The following DNAH7 variants were observed in gnomAD, a reference collection of about 807,000 sequenced individuals.
The protein encoded by DNAH7 is axonemal beta dynein heavy chain 7.
DNAH7 carries 397 observed loss-of-function variants against 444.6 expected under a neutral mutation model. The observed-to-expected ratio is 0.89, with a 90% CI of 0.82 to 0.97. The LOEUF is 0.97. Ranked by LOEUF, DNAH7 falls within the 50% of genes least tolerant of loss-of-function variation. The pLI, the probability that DNAH7 is intolerant of heterozygous loss-of-function variation, is 0.00. For synonymous variants in DNAH7, 1,636 were observed against 1,624.4 expected (o/e 1.01, Z -0.17); for missense variants, 4,902 against 4,800.8 (o/e 1.02, Z -0.62).
At chr2:195,835,313 A>G (rs569925336) in intron 47 of DNAH7, among the ~76,000 whole-genome samples, 2 of 151,990 alleles carry the variant, frequency 1.3e-5, no homozygotes, top group Non-Finnish European at 2.9e-5. Flanking sequence ...ACAAAAAACA[A>G]AAGTGAGCAG....
intron 63 of DNAH7, among the ~76,000 whole-genome samples, chr2:195,753,352 C>A (rs568864057): frequency 6.6e-6 from 1 of 152,092 alleles, no homozygotes; most frequent in South Asian, 2.1e-4. Flanking sequence ...CATAGTGTTA[C>A]AAACCATCTT....
intron 46 of DNAH7, among the ~76,000 whole-genome samples, chr2:195,850,704 A>G (rs1699309803): frequency 6.6e-6 from 1 of 152,210 alleles, no homozygotes; most frequent in African/African-American, 2.4e-5. Context: ...GAAAAGCACC[A>G]AATGTTGTAA....
At chr2:196,052,110 TCAGGATCC>T in intron 2 of DNAH7, among the ~76,000 whole-genome samples, 1 of 152,360 alleles carries the variant, frequency 6.6e-6, no homozygotes, top group Non-Finnish European at 1.5e-5. Flanking sequence ...TTTCAAACTT[TCAGGATCC>T]CAGTAGGTGG....
intron 46 of DNAH7, among the ~76,000 whole-genome samples, chr2:195,848,639 A>G (rs1423369844): frequency 1.3e-5 from 2 of 152,232 alleles, no homozygotes; most frequent in East Asian, 3.8e-4. Flanking sequence ...AGGGCCACAC[A>G]GGTGTTGTCA....
chr2:195,975,878 A>C (rs1209593626), intron 15 of DNAH7, among the ~76,000 whole-genome samples: 1 of 152,138 alleles, frequency 6.6e-6, no homozygotes, highest in Non-Finnish European at 1.5e-5. Flanking sequence ...CTGCTGACTA[A>C]AGAGCCCTTG....
Position 195,871,917 on chromosome 2 carries a change from C to A in DNAH7, c.6633+333G>T, listed in dbSNP as rs536382998. Among the ~76,000 whole-genome samples the A allele has an allele frequency of 4.0e-5, 2 of 50,350 alleles. 1 individual carries two copies. The highest frequency in any genetic ancestry group is 5.7e-5 in the Non-Finnish European group (2 of 35,084). The allele number at this position is 50,350 out of a possible 152,430, so 33.0% of individuals were successfully genotyped here. On this transcript the variant is annotated intron_variant, in intron 40 of 64. Coordinates refer to ENST00000312428, the MANE Select transcript of DNAH7 (RefSeq NM_018897.3). ...CTGCACTCCAGCCTGGGCGACAGAG[C>A]GAGACTCCGTCTCAAAAAAAAAAAA...
intron 56 of DNAH7, chr2:195,795,889 G>A (rs2105993111): frequency 1.3e-5 from 2 of 152,414 alleles, no homozygotes; most frequent in South Asian, 4.1e-4. Flanking sequence ...TGGGTGGATG[G>A]TGCAAGTTCT....
intron 19 of DNAH7, among the ~76,000 whole-genome samples, chr2:195,946,085 G>GA (rs1689783893): frequency 6.6e-6 from 1 of 152,040 alleles, no homozygotes. Flanking sequence ...ACTAGAACAG[G>GA]AAAAAAACTC....
At chr2:195,952,732 T>C (rs1048008172) in intron 19 of DNAH7, among the ~76,000 whole-genome samples, 1 of 152,210 alleles carries the variant, frequency 6.6e-6, no homozygotes, top group African/African-American at 2.4e-5. Context: ...TGGCTATTGA[T>C]ACTTGTGTAT....
chr2:196,051,075 T>G, intron 3 of DNAH7, 112 bp downstream of exon 3: 1 of 933,290 alleles, frequency 1.1e-6, no homozygotes, highest in Non-Finnish European at 1.7e-6. Context: ...AATTTCTCCA[T>G]CAGAAAAGAA....
At chr2:195,867,861 G>A (rs970744548) in intron 40 of DNAH7, among the ~76,000 whole-genome samples, 1 of 151,982 alleles carries the variant, frequency 6.6e-6, no homozygotes, top group Non-Finnish European at 1.5e-5. Context: ...TCTACTTTTT[G>A]GCTATTATAA....
chr2:195,942,780 TC>T (rs35587685), intron 19 of DNAH7, among the ~76,000 whole-genome samples: 1 of 152,068 alleles, frequency 6.6e-6, no homozygotes, highest in African/African-American at 2.4e-5. Flanking sequence ...ACTCTTTAAT[TC>T]CCAGATCCAT....
intron 12 of DNAH7, among the ~76,000 whole-genome samples, chr2:195,990,705 T>A (rs1164258483): frequency 1.3e-5 from 2 of 151,386 alleles, no homozygotes; most frequent in African/African-American, 4.9e-5. Context: ...CTAGGTTATC[T>A]ATGCCATTCC....
intron 27 of DNAH7, chr2:195,904,901 C>G (rs968065987): frequency 1.3e-5 from 2 of 152,066 alleles, no homozygotes; most frequent in Admixed American, 1.3e-4. Flanking sequence ...ATATGTAACT[C>G]TTTCATTTCA....
chr2:196,001,372 C>CT (rs5837487), intron 11 of DNAH7, among the ~76,000 whole-genome samples: 230 of 149,090 alleles, frequency 1.5e-3, no homozygotes, highest in Admixed American at 4.5e-3. Context: ...GACATTAACT[C>CT]TTTTTTTTTT....
chr2:195,748,009 A>G (rs1693534475), intron 63 of DNAH7, among the ~76,000 whole-genome samples: 1 of 152,228 alleles, frequency 6.6e-6, no homozygotes, highest in South Asian at 2.1e-4. Context: ...AGAAGGAAAT[A>G]AAGGGTATTC....
At chr2:195,943,569 C>T (rs2125446290) in intron 19 of DNAH7, among the ~76,000 whole-genome samples, 1 of 152,238 alleles carries the variant, frequency 6.6e-6, no homozygotes, top group South Asian at 2.1e-4. Flanking sequence ...GTATCAGAAG[C>T]ATTATGTTAA....
chr2:195,965,153 G>A, intron 17 of DNAH7, among the ~76,000 whole-genome samples: 1 of 151,822 alleles, frequency 6.6e-6, no homozygotes, highest in African/African-American at 2.4e-5. Context: ...TCAATAGCCA[G>A]TTTTATGAGG....
chr2:195,787,111 G>T lies in DNAH7; in HGVS notation c.10777C>A (p.Arg3593=). The stretch of plus-strand genomic sequence containing the variant: ...TTCCACCCTAGGGGTCCAAATTTCC[G>T]TCTTTCTTGTACCAAAGCATGAAAG... ...CFFHALVQER[R]KFGPLGWNIP... is the part of the protein sequence containing the mutation. Residue 3593 remains arginine (R), a synonymous_variant, in exon 58 of 65, where the codon CGG becomes AGG. Transcript: ENST00000312428. 1 of 1,611,702 alleles carries T rather than the reference G, an allele frequency of 6.2e-7. No homozygotes were observed. The highest frequency in any genetic ancestry group is 1.1e-5 in the South Asian group (1 of 90,668).
Sources: allele counts gnomAD v4.1 joint callset (sites outside exome capture counted in the v4.1 genomes callset), GRCh38; gene constraint gnomAD v4.1.1; transcripts MANE v1.5; gene names NCBI Gene and HGNC (gene_info 2026-07-23, HGNC 2026-07-21).